Variants in NALF1 observed in about 807,000 individuals in gnomAD.
NALF1 encodes NALCN channel auxiliary factor 1.
A neutral mutation model predicts 48.4 loss-of-function variants in NALF1; 3 were observed. The ratio of observed to expected loss-of-function variants is 0.06; its 90% confidence interval spans 0.03 to 0.16. The LOEUF is 0.16. Among genes scored for constraint, NALF1 ranks in the 10% least tolerant of loss-of-function variants. NALF1 has a pLI of 1.00. For synonymous variants in NALF1, 262 were observed against 245.7 expected (o/e 1.07, Z -0.62); for missense variants, 526 against 571.5 (o/e 0.92, Z 0.81).
At chr13:107,471,518 T>C (rs1369256898) in intron 1 of NALF1, among the ~76,000 whole-genome samples, 4 of 152,298 alleles carry the variant, frequency 2.6e-5, no homozygotes, top group South Asian at 2.1e-4. Context: ...GTGGGACTTA[T>C]TTAGAAAGTG....
chr13:107,212,526 C>G (rs984970830), intron 1 of NALF1, among the ~76,000 whole-genome samples: 4 of 152,108 alleles, frequency 2.6e-5, no homozygotes, highest in South Asian at 2.1e-4. Context: ...CTCAGGGGGA[C>G]AGGTGAAGGT....
intron 1 of NALF1, among the ~76,000 whole-genome samples, chr13:107,594,552 G>A (rs999976868): frequency 6.6e-6 from 1 of 151,884 alleles, no homozygotes; most frequent in East Asian, 1.9e-4. Flanking sequence ...TCAAGGCATT[G>A]TACATTTACT....
At chr13:107,278,890 C>T (rs1329621927) in intron 1 of NALF1, among the ~76,000 whole-genome samples, 1 of 152,136 alleles carries the variant, frequency 6.6e-6, no homozygotes, top group Non-Finnish European at 1.5e-5. Context: ...TCCCCTTTTG[C>T]TCTACCAAAT....
At chr13:107,637,752 G>A (rs1017559152) in intron 1 of NALF1, among the ~76,000 whole-genome samples, 2 of 152,078 alleles carry the variant, frequency 1.3e-5, no homozygotes, top group Non-Finnish European at 2.9e-5. Flanking sequence ...ATCCAATAAA[G>A]AGTCGCATGT....
chr13:107,184,429 T>C (rs1011085455), intron 2 of NALF1, among the ~76,000 whole-genome samples: 3 of 151,828 alleles, frequency 2.0e-5, no homozygotes, highest in Admixed American at 2.0e-4. Context: ...TTCCCTCTGA[T>C]CATTTTTATA....
chr13:107,375,923 T>TACACAC (rs373266204), intron 1 of NALF1, among the ~76,000 whole-genome samples: 58 of 149,414 alleles, frequency 3.9e-4, no homozygotes, highest in African/African-American at 1.3e-3. Context: ...CAACCTGCTA[T>TACACAC]ACACACACAC....
At chr13:107,828,603 C>CCACA (rs1566498088) in intron 1 of NALF1, among the ~76,000 whole-genome samples, 1 of 36,022 alleles carries the variant, frequency 2.8e-5, no homozygotes, top group East Asian at 3.0e-4. Context: ...ATATCTATAT[C>CCACA]TATACACACA....
intron 1 of NALF1, among the ~76,000 whole-genome samples, chr13:107,235,990 G>C (rs1880333911): frequency 6.6e-6 from 1 of 152,174 alleles, no homozygotes; most frequent in Admixed American, 6.5e-5. Context: ...TCATTTTACA[G>C]AGGAAAGAAT....
intron 1 of NALF1, among the ~76,000 whole-genome samples, chr13:107,247,470 G>A (rs1468518512): frequency 6.6e-6 from 1 of 152,184 alleles, no homozygotes; most frequent in Non-Finnish European, 1.5e-5. Context: ...ATGCAATTTA[G>A]TCATTCTGTA....
chr13:107,468,047 CAAAAA>C (rs1287757353), intron 1 of NALF1, among the ~76,000 whole-genome samples: 2 of 75,626 alleles, frequency 2.6e-5, no homozygotes, highest in African/African-American at 4.2e-5. Context: ...GACTCCGTCT[CAAAAA>C]AAAAAAAAAA....
chr13:107,747,939 G>A (rs973050017), intron 1 of NALF1, among the ~76,000 whole-genome samples: 5 of 152,094 alleles, frequency 3.3e-5, no homozygotes, highest in Non-Finnish European at 7.4e-5. Flanking sequence ...ATAATCTTAT[G>A]TCTCACCAAA....
At chr13:107,707,211 C>T (rs111695243) in intron 1 of NALF1, among the ~76,000 whole-genome samples, 8,622 of 151,896 alleles carry the variant, frequency 0.057, 286 homozygotes, top group African/African-American at 0.096. Context: ...CGTGAGCCAC[C>T]GCGCCCGGCC....
At chr13:107,810,545 T>C (rs373971938) in intron 1 of NALF1, among the ~76,000 whole-genome samples, 1 of 152,150 alleles carries the variant, frequency 6.6e-6, no homozygotes, top group African/African-American at 2.4e-5. Flanking sequence ...ATAGCTTCTT[T>C]TATATTTATA....
At chr13:107,687,800 A>G (rs1031117759) in intron 1 of NALF1, among the ~76,000 whole-genome samples, 3 of 152,198 alleles carry the variant, frequency 2.0e-5, no homozygotes, top group African/African-American at 7.2e-5. Flanking sequence ...CAGATTGTCA[A>G]TTGCACTAGC....
At chr13:107,529,007 A>C (rs2139105077) in intron 1 of NALF1, among the ~76,000 whole-genome samples, 1 of 152,266 alleles carries the variant, frequency 6.6e-6, no homozygotes, top group East Asian at 1.9e-4. Flanking sequence ...CTTATTTTCC[A>C]ATAAAAGTAT....
At chr13:107,177,787 C>G (rs1878968251) in intron 2 of NALF1, among the ~76,000 whole-genome samples, 1 of 152,196 alleles carries the variant, frequency 6.6e-6, no homozygotes, top group Non-Finnish European at 1.5e-5. Flanking sequence ...CTATGGATCA[C>G]ACTTGTAACC....
At chr13:107,254,526 A>C (rs945574940) in intron 1 of NALF1, among the ~76,000 whole-genome samples, 1 of 152,156 alleles carries the variant, frequency 6.6e-6, no homozygotes, top group Admixed American at 6.5e-5. Context: ...TGGAGTGGGG[A>C]ATGGTCATTT....
At chr13:107,744,557 T>C (rs1876731337) in intron 1 of NALF1, among the ~76,000 whole-genome samples, 1 of 152,202 alleles carries the variant, frequency 6.6e-6, no homozygotes, top group South Asian at 2.1e-4. Flanking sequence ...AGCCCTATAG[T>C]GGAGTCCAGC....
intron 1 of NALF1, among the ~76,000 whole-genome samples, chr13:107,413,579 T>C (rs1019033419): frequency 2.6e-5 from 4 of 152,148 alleles, no homozygotes; most frequent in African/African-American, 9.7e-5. Flanking sequence ...TATCTGTTTG[T>C]TGGTCACTTA....
Sources: allele counts gnomAD v4.1 joint callset (sites outside exome capture counted in the v4.1 genomes callset), GRCh38; gene constraint gnomAD v4.1.1; transcripts MANE v1.5; gene names NCBI Gene and HGNC (gene_info 2026-07-23, HGNC 2026-07-21).